The following MACROD2 variants were observed in gnomAD, a reference collection of about 807,000 sequenced individuals.
MACROD2 encodes the protein ADP-ribose glycohydrolase MACROD2.
A neutral mutation model predicts 70.4 loss-of-function variants in MACROD2; 36 were observed. The observed-to-expected ratio is 0.51, with a 90% confidence interval of 0.39 to 0.68. The LOEUF is 0.68. MACROD2 is among the 30% of genes least tolerant of loss of function. The pLI is 0.00. For synonymous variants in MACROD2, 172 were observed against 178.8 expected (o/e 0.96, Z 0.30); for missense variants, 496 against 538.4 (o/e 0.92, Z 0.78).
chr20:15,568,231 C>T (rs1406356592), intron 8 of MACROD2, among the ~76,000 whole-genome samples: 1 of 152,172 alleles, frequency 6.6e-6, no homozygotes, highest in Non-Finnish European at 1.5e-5. Context: ...AATCTCAGAC[C>T]TCTCATCCTT....
intron 5 of MACROD2, among the ~76,000 whole-genome samples, chr20:15,157,158 G>A (rs1433703869): frequency 6.6e-6 from 1 of 152,154 alleles, no homozygotes; most frequent in Non-Finnish European, 1.5e-5. Context: ...GGTTCTGGAG[G>A]CTGGGAAGTC....
chr20:15,720,284 C>A (rs986751975), intron 8 of MACROD2, among the ~76,000 whole-genome samples: 3 of 152,156 alleles, frequency 2.0e-5, no homozygotes, highest in African/African-American at 7.2e-5. Context: ...CGCTTTGACA[C>A]ACTGATTTCA....
At chr20:14,985,345 T>C (rs1044840141) in intron 5 of MACROD2, among the ~76,000 whole-genome samples, 2 of 152,214 alleles carry the variant, frequency 1.3e-5, no homozygotes, top group Admixed American at 6.5e-5. Context: ...TCCCTATAGA[T>C]GTTTTCACTA....
intron 5 of MACROD2, among the ~76,000 whole-genome samples, chr20:14,932,348 G>A (rs1273476494): frequency 1.3e-5 from 2 of 152,082 alleles, no homozygotes; most frequent in African/African-American, 2.4e-5. Context: ...GGGAACAGGC[G>A]GAGTGAAAAG....
At chr20:14,086,875 C>T (rs1296294664) in intron 3 of MACROD2, among the ~76,000 whole-genome samples, 1 of 152,124 alleles carries the variant, frequency 6.6e-6, no homozygotes, top group Non-Finnish European at 1.5e-5. Context: ...GGGGTAATTT[C>T]TTGACTGTGG....
intron 15 of MACROD2, among the ~76,000 whole-genome samples, chr20:15,992,339 C>T (rs1023260375): frequency 6.6e-6 from 1 of 152,186 alleles, no homozygotes; most frequent in African/African-American, 2.4e-5. Flanking sequence ...CTTCCAATAT[C>T]TCTGAGAATT....
chr20:14,170,106 C>G (rs1397976430), intron 3 of MACROD2, among the ~76,000 whole-genome samples: 2 of 152,154 alleles, frequency 1.3e-5, no homozygotes, highest in Non-Finnish European at 2.9e-5. Flanking sequence ...TTTGGCCAGA[C>G]TGGTCTCGAA....
At chr20:14,564,490 A>G (rs1979646391) in intron 4 of MACROD2, among the ~76,000 whole-genome samples, 1 of 152,022 alleles carries the variant, frequency 6.6e-6, no homozygotes, top group Admixed American at 6.6e-5. Flanking sequence ...AAGAACTCAA[A>G]TAACTCAACA....
At chr20:14,610,199 C>G (rs561967501) in intron 4 of MACROD2, among the ~76,000 whole-genome samples, 3 of 152,132 alleles carry the variant, frequency 2.0e-5, no homozygotes, top group Admixed American at 1.3e-4. Flanking sequence ...TTGTAGAATG[C>G]CTTTAAATAA....
At chr20:14,426,853 T>C (rs2083939587) in intron 3 of MACROD2, among the ~76,000 whole-genome samples, 1 of 152,160 alleles carries the variant, frequency 6.6e-6, no homozygotes, top group Non-Finnish European at 1.5e-5. Flanking sequence ...CACTGTTAAC[T>C]ATGCAGAGAC....
chr20:15,697,983 G>A (rs2050400515), intron 8 of MACROD2, among the ~76,000 whole-genome samples: 1 of 152,116 alleles, frequency 6.6e-6, no homozygotes, highest in African/African-American at 2.4e-5. Context: ...GGCAGCAGAT[G>A]GTTTGTTGAT....
At chr20:15,580,650 C>T (rs2048510740) in intron 8 of MACROD2, among the ~76,000 whole-genome samples, 1 of 152,166 alleles carries the variant, frequency 6.6e-6, no homozygotes, top group African/African-American at 2.4e-5. Flanking sequence ...GGAAAACTTC[C>T]TCTTTACCCT....
At chr20:15,902,068 C>T (rs1016746523) in intron 10 of MACROD2, among the ~76,000 whole-genome samples, 1 of 152,190 alleles carries the variant, frequency 6.6e-6, no homozygotes, top group Non-Finnish European at 1.5e-5. Context: ...TTGCATGGAG[C>T]TGTGCTCCCA....
Position 15,540,091 on chromosome 20 carries a change from T to C in MACROD2, c.645+40244T>C, listed in dbSNP as rs114303954. On this transcript the variant is annotated intron_variant, in intron 8 of 17. Coordinates refer to ENST00000684519, the MANE Select transcript of MACROD2 (RefSeq NM_001351661.2). ...GAAGGGGAATTCCACATGTTGGGCA[T>C]AGAGAAGAGTAGGTAAAGGTATAGG... Among the ~76,000 whole-genome samples, 1,028 of 152,294 alleles carry C rather than the reference T, an allele frequency of 6.8e-3. 11 individuals carry two copies. Among genetic ancestry groups the C allele is most frequent in the African/African-American group, 0.023 (964 of 41,564 alleles).
At chr20:16,028,702 G>A (rs554804007) in intron 15 of MACROD2, among the ~76,000 whole-genome samples, 1 of 152,238 alleles carries the variant, frequency 6.6e-6, no homozygotes, top group African/African-American at 2.4e-5. Context: ...CCACAAGTAT[G>A]TTCCTGTCAG....
At chr20:14,725,739 A>G (rs2071521505) in intron 5 of MACROD2, among the ~76,000 whole-genome samples, 1 of 152,180 alleles carries the variant, frequency 6.6e-6, no homozygotes, top group African/African-American at 2.4e-5. Flanking sequence ...AATATGCCTC[A>G]GAGTAGCCGC....
At chr20:14,822,501 CGTTACAAG>C (rs1441033011) in intron 5 of MACROD2, among the ~76,000 whole-genome samples, 3 of 152,012 alleles carry the variant, frequency 2.0e-5, no homozygotes, top group Non-Finnish European at 4.4e-5. Context: ...TATGGCTTGG[CGTTACAAG>C]GTCTGGAGAG....
At chr20:15,387,923 A>ATT (rs11402058) in intron 6 of MACROD2, among the ~76,000 whole-genome samples, 18 of 150,926 alleles carry the variant, frequency 1.2e-4, no homozygotes, top group East Asian at 9.7e-4. Context: ...GTATTTATTT[A>ATT]TTTTTTTTGT....
chr20:15,937,624 G>A, intron 12 of MACROD2, 80 bp downstream of exon 12: 2 of 1,316,682 alleles, frequency 1.5e-6, no homozygotes, highest in Admixed American at 3.5e-5. Flanking sequence ...GAAAAATGAA[G>A]CAGCAAGTCA....
Sources: gnomAD v4.1 joint callset for allele counts (sites outside exome capture counted in the v4.1 genomes callset) on GRCh38, gnomAD v4.1.1 for gene constraint, MANE v1.5 for transcripts, NCBI Gene and HGNC (gene_info 2026-07-23, HGNC 2026-07-21) for gene names.